SORBS2: variants seen among roughly 807,000 people sequenced by gnomAD.
The protein encoded by SORBS2 is sorbin and SH3 domain-containing protein 2.
A neutral mutation model predicts 97.7 loss-of-function variants in SORBS2; 46 were observed. That is an observed-to-expected ratio of 0.47 (90% CI 0.37 to 0.60). The LOEUF (loss-of-function observed/expected upper bound fraction) is 0.60, where lower values mean the gene tolerates loss of function less well. SORBS2 is among the 20% of genes least tolerant of loss of function. The probability of loss-of-function intolerance (pLI) is 0.00; values close to 1 mark genes in which losing one functional copy is unlikely to be tolerated. For synonymous variants in SORBS2, 476 were observed against 473.4 expected, an observed-to-expected ratio of 1.01 and a Z score of -0.07; for missense variants, 1,316 against 1,282.3, an observed-to-expected ratio of 1.03 and a Z score of -0.40.
intron 2 of SORBS2, among the ~76,000 whole-genome samples, chr4:185,706,848 A>C (rs539882628): frequency 6.6e-6 from 1 of 152,148 alleles, no homozygotes; most frequent in Non-Finnish European, 1.5e-5. Flanking sequence ...TAGTGTGTTC[A>C]CTTGGTCTCC....
chr4:185,841,295 T>C (rs1429734374), intron 1 of SORBS2, among the ~76,000 whole-genome samples: 2 of 151,980 alleles, frequency 1.3e-5, no homozygotes, highest in Non-Finnish European at 2.9e-5. Context: ...CCAAAAACAA[T>C]GAGGGCCTAA....
intron 1 of SORBS2, among the ~76,000 whole-genome samples, chr4:185,779,829 C>T (rs781746556): frequency 5.3e-5 from 8 of 152,000 alleles, no homozygotes; most frequent in Non-Finnish European, 7.4e-5. Flanking sequence ...GTGCTTAGGG[C>T]GAGGCAGCAA....
At position 185,635,157 on chromosome 4, in the gene SORBS2, A is replaced by T. The variant is rs146270867; in HGVS notation, c.397-4559T>A. On this transcript the variant is annotated intron_variant, in intron 4 of 14. Coordinates refer to ENST00000418609, the Ensembl canonical transcript of SORBS2. The stretch of plus-strand genomic sequence containing the variant: ...TTGTGGTTGGAATGATTCTTCACCC[A>T]GAGTCCAGAGATAGCCAACAACTCT... 3.3e-3 allele frequency among the ~76,000 whole-genome samples: 502 copies of T among 152,326 alleles called. 1 individual carries two copies. The highest frequency in any genetic ancestry group is 0.012 in the African/African-American group (482 of 41,586).
intron 2 of SORBS2, chr4:185,772,214 A>C (rs1016072530): frequency 6.6e-5 from 10 of 152,044 alleles, no homozygotes; most frequent in African/African-American, 2.2e-4. Flanking sequence ...CCAACCGGGG[A>C]CCATCTGACC....
At chr4:185,814,553 AAAAC>A (rs36055043) in intron 1 of SORBS2, among the ~76,000 whole-genome samples, 37,994 of 151,118 alleles carry the variant, frequency 0.25, 4,899 homozygotes, top group Middle Eastern at 0.34. Context: ...TTTTAGTAGC[AAAAC>A]AAACAAACAA....
rs913591574 is a variant in SORBS2, at chr4:185,607,777, C to T, written c.2796+4003G>A. ...TGGTGTGATCTCGGCTCACTGCAAC[C>T]TCTGCCTCCCAGGTTCAAACGATTT... On this transcript the variant is annotated intron_variant, in intron 12 of 14. Transcript: ENST00000418609. This position sits in a 1 kb window ranked among gnomAD's most constrained non-coding sequence, Gnocchi z 5.2. 6.6e-6 allele frequency among the ~76,000 whole-genome samples: 1 copy of T among 151,192 alleles called. No individual in the cohort carries two copies. The highest frequency in any genetic ancestry group is 2.4e-5 in the African/African-American group (1 of 41,028).
At chr4:185,794,746 C>G (rs560166430) in intron 1 of SORBS2, among the ~76,000 whole-genome samples, 13 of 152,110 alleles carry the variant, frequency 8.5e-5, no homozygotes, top group Non-Finnish European at 1.9e-4. Context: ...TTCCCCTTGA[C>G]ATGATGCTTC....
At chr4:185,741,404 G>GTTTT (rs58376567) in intron 2 of SORBS2, among the ~76,000 whole-genome samples, 52 of 111,658 alleles carry the variant, frequency 4.7e-4, no homozygotes, top group East Asian at 1.0e-3. Flanking sequence ...TTTTTTTTTT[G>GTTTT]TTTTTTTTTT....
At chr4:185,844,277 A>C (rs572100599) in intron 1 of SORBS2, among the ~76,000 whole-genome samples, 1 of 152,322 alleles carries the variant, frequency 6.6e-6, no homozygotes, top group East Asian at 1.9e-4. Context: ...CAAAGAACCC[A>C]ATTCAAAAAT....
chr4:185,649,575 G>C, exon 3 of SORBS2: 2 of 1,605,272 alleles, frequency 1.2e-6, no homozygotes, highest in East Asian at 4.6e-5. Flanking sequence ...GCTGTTGTCG[G>C]AGTGGCTTTT....
intron 12 of SORBS2, among the ~76,000 whole-genome samples, chr4:185,602,145 GATTACAGGCACCTGTCACCACGTCCGGCT>G (rs1472042171): frequency 1.3e-5 from 2 of 152,150 alleles, no homozygotes; most frequent in African/African-American, 4.8e-5. Context: ...GAGTAGCTGG[GATTACAGGCACCTGTCACCACGTCCGGCT>G]AATTTTTGTA....
chr4:185,949,295 C>T (rs769553592), intron 1 of SORBS2, among the ~76,000 whole-genome samples: 2 of 152,232 alleles, frequency 1.3e-5, no homozygotes, highest in Non-Finnish European at 2.9e-5. Context: ...TTTGGTGGTA[C>T]ACCCAGTATT....
At chr4:185,810,316 C>T (rs1237277152) in intron 1 of SORBS2, among the ~76,000 whole-genome samples, 1 of 152,216 alleles carries the variant, frequency 6.6e-6, no homozygotes, top group Non-Finnish European at 1.5e-5. Context: ...ATGAACATTG[C>T]TACATCTCTG....
At chr4:185,758,157 C>T (rs935508362) in intron 2 of SORBS2, among the ~76,000 whole-genome samples, 7 of 152,188 alleles carry the variant, frequency 4.6e-5, no homozygotes, top group Non-Finnish European at 1.0e-4. Context: ...TTTCACATAC[C>T]TAGTAAATCA....
At chr4:185,913,250 G>A (rs1030974463) in intron 1 of SORBS2, among the ~76,000 whole-genome samples, 1 of 152,142 alleles carries the variant, frequency 6.6e-6, no homozygotes, top group Non-Finnish European at 1.5e-5. Context: ...ATAAAACAGA[G>A]TCATGATTAG....
At chr4:185,797,518 G>A (rs2099110616) in intron 1 of SORBS2, among the ~76,000 whole-genome samples, 1 of 152,120 alleles carries the variant, frequency 6.6e-6, no homozygotes, top group Non-Finnish European at 1.5e-5. Flanking sequence ...TGATCCTGAT[G>A]CTGATGACAA....
At chr4:185,595,036 C>T (rs1580495757) in intron 12 of SORBS2, among the ~76,000 whole-genome samples, 2 of 152,246 alleles carry the variant, frequency 1.3e-5, no homozygotes, top group Admixed American at 1.3e-4. Flanking sequence ...CCATAGAAAC[C>T]CCACTGATCC....
intron 1 of SORBS2, among the ~76,000 whole-genome samples, chr4:185,827,195 TCATCATCAC>T (rs769775027): frequency 0.079 from 8,635 of 109,652 alleles, 228 homozygotes; most frequent in Middle Eastern, 0.19. Flanking sequence ...ACCATCATCA[TCATCATCAC>T]CATCATCACC....
In SORBS2 at chr4:185,735,663, A is replaced by T. The variant is rs573097525; in HGVS notation, c.-198+39564T>A. On this transcript the variant is annotated intron_variant, in intron 2 of 20. Coordinates refer to the SORBS2 transcript ENST00000284776. ...ATTTTTGTTAATTTGACATCCCTAG[A>T]CGATATCATGAAAATATTTACTGTG... Among the ~76,000 whole-genome samples, 3 of 152,006 alleles carry T rather than the reference A, an allele frequency of 2.0e-5. No homozygotes were observed. In the South Asian group the frequency reaches 6.3e-4, roughly 32 times the overall value.
Sources: gnomAD v4.1 joint callset for allele counts (sites outside exome capture counted in the v4.1 genomes callset) on GRCh38, gnomAD v4.1.1 for gene constraint, Gnocchi (gnomAD v3.1) non-coding constraint, MANE v1.5 for transcripts, NCBI Gene and HGNC (gene_info 2026-07-23, HGNC 2026-07-21) for gene names.